The following PCDH11Y variants were observed in gnomAD, a reference collection of about 807,000 sequenced individuals.
The protein encoded by PCDH11Y is protocadherin 11 Y-linked.
For synonymous variants in PCDH11Y, 9 were observed against 83.6 expected, an observed-to-expected ratio of 0.11 and a Z score of 4.87; for missense variants, 12 against 224.8, an observed-to-expected ratio of 0.05 and a Z score of 6.05.
At chrY:5,531,059 A>T in intron 3 of PCDH11Y, among the ~76,000 whole-genome samples, 1 of 27,759 alleles carries the variant, frequency 3.6e-5, no homozygotes, top group Non-Finnish European at 8.4e-5. Context: ...AGGCTCGCAT[A>T]GCCGACTCCT....
downstream of PCDH11Y, among the ~76,000 whole-genome samples, chrY:5,105,794 A>C: frequency 3.0e-5 from 1 of 33,057 alleles, no homozygotes; most frequent in Non-Finnish European, 7.4e-5. Context: ...TTTTGAAAAA[A>C]AGTATATTGA....
chrY:5,301,074 A>G, intron 2 of PCDH11Y, among the ~76,000 whole-genome samples: 3 of 33,926 alleles, frequency 8.8e-5, no homozygotes, highest in Admixed American at 8.1e-4. Flanking sequence ...GTTGGGTTTT[A>G]CTGAGATCAA....
At chrY:5,083,391 C>G in intron 1 of PCDH11Y, among the ~76,000 whole-genome samples, 1 of 32,416 alleles carries the variant, frequency 3.1e-5, no homozygotes, top group Non-Finnish European at 7.6e-5. Context: ...TTGGTGAGAG[C>G]TGCCAACCAC....
intron 2 of PCDH11Y, among the ~76,000 whole-genome samples, chrY:5,205,661 A>AATATATATAT (rs1404714318): frequency 4.3e-5 from 1 of 23,307 alleles, no homozygotes; most frequent in East Asian, 1.1e-3. Context: ...TGAATATATA[A>AATATATATAT]ATATATATAT....
At chrY:5,436,071 G>T (rs2053274992) in intron 2 of PCDH11Y, among the ~76,000 whole-genome samples, 1 of 33,689 alleles carries the variant, frequency 3.0e-5, no homozygotes, top group Non-Finnish European at 7.4e-5. Flanking sequence ...TCACATAAGT[G>T]CACGTAGAGC....
chrY:5,222,044 T>C, intron 2 of PCDH11Y, among the ~76,000 whole-genome samples: 3 of 33,783 alleles, frequency 8.9e-5, no homozygotes, highest in Admixed American at 8.1e-4. Context: ...AAGATGATTA[T>C]ATGATGTTTG....
chrY:5,068,542 CTGTGTG>C (rs3067360), intron 1 of PCDH11Y, among the ~76,000 whole-genome samples: 25 of 21,798 alleles, frequency 1.1e-3, no homozygotes, highest in Admixed American at 3.4e-3. Context: ...TTTGTGTCCT[CTGTGTG>C]TGTGTGTGTG....
At chrY:5,268,528 C>A (rs2053030712) in intron 2 of PCDH11Y, among the ~76,000 whole-genome samples, 1 of 32,444 alleles carries the variant, frequency 3.1e-5, no homozygotes, top group South Asian at 6.7e-4. Flanking sequence ...ATTAGTTCAA[C>A]TTGTCACTTT....
At chrY:5,505,745 T>C in intron 3 of PCDH11Y, among the ~76,000 whole-genome samples, 1 of 32,376 alleles carries the variant, frequency 3.1e-5, no homozygotes, top group Admixed American at 2.9e-4. Context: ...AACAAGGAAG[T>C]AATTAATCTT....
At chrY:5,220,399 T>C (rs2052951644) in intron 2 of PCDH11Y, among the ~76,000 whole-genome samples, 1 of 29,232 alleles carries the variant, frequency 3.4e-5, no homozygotes, top group Non-Finnish European at 8.1e-5. Context: ...TCTATTTATT[T>C]GTATTATCTT....
intron 2 of PCDH11Y, among the ~76,000 whole-genome samples, chrY:5,118,161 A>G: frequency 3.1e-5 from 1 of 32,510 alleles, no homozygotes; most frequent in Non-Finnish European, 7.5e-5. Flanking sequence ...AAAGATGAAG[A>G]GTGTATTCTT....
At chrY:5,458,147 T>G (rs2124683504) in intron 2 of PCDH11Y, among the ~76,000 whole-genome samples, 4 of 32,916 alleles carry the variant, frequency 1.2e-4, no homozygotes, top group Admixed American at 8.5e-4. Context: ...CACATTATTC[T>G]ATGTATAGTA....
chrY:5,492,983 A>G (rs2053340428), intron 2 of PCDH11Y, among the ~76,000 whole-genome samples: 1 of 33,298 alleles, frequency 3.0e-5, no homozygotes, highest in African/African-American at 1.2e-4. Context: ...CAAATATGTT[A>G]CCACTATCCA....
At chrY:5,528,094 A>G (rs2053389691) in intron 3 of PCDH11Y, among the ~76,000 whole-genome samples, 1 of 32,137 alleles carries the variant, frequency 3.1e-5, no homozygotes. Flanking sequence ...GAAGGTAATT[A>G]TATTCTCTTC....
intron 4 of PCDH11Y, among the ~76,000 whole-genome samples, chrY:5,725,082 C>T: frequency 3.1e-5 from 1 of 32,522 alleles, no homozygotes; most frequent in Non-Finnish European, 7.5e-5. Flanking sequence ...CGAGACCACC[C>T]TGACCAACAT....
intron 1 of PCDH11Y, among the ~76,000 whole-genome samples, chrY:5,005,277 A>G: frequency 2.9e-5 from 1 of 34,087 alleles, no homozygotes; most frequent in Non-Finnish European, 7.3e-5. Flanking sequence ...GATGTATTAC[A>G]GTAGAGACTG....
At chrY:5,022,753 A>T in intron 1 of PCDH11Y, among the ~76,000 whole-genome samples, 4 of 33,338 alleles carry the variant, frequency 1.2e-4, no homozygotes, top group Admixed American at 2.8e-4. Flanking sequence ...AGCAGTATTC[A>T]TTTTCTGCCT....
chrY:5,329,149 AT>A (rs2053126700), intron 2 of PCDH11Y, among the ~76,000 whole-genome samples: 1 of 32,475 alleles, frequency 3.1e-5, no homozygotes, highest in Non-Finnish European at 7.5e-5. Flanking sequence ...AGACGCTTAG[AT>A]TTTAGGTCAG....
chrY:5,532,980 C>T (rs2053396651), intron 3 of PCDH11Y, among the ~76,000 whole-genome samples: 3 of 30,014 alleles, frequency 1.0e-4, no homozygotes, highest in Admixed American at 3.1e-4. Context: ...TACAGGCGCG[C>T]GCCACCATAC....
Sources: gnomAD v4.1 joint callset for allele counts (sites outside exome capture counted in the v4.1 genomes callset) on GRCh38, gnomAD v4.1.1 for gene constraint, MANE v1.5 for transcripts, NCBI Gene and HGNC (gene_info 2026-07-23, HGNC 2026-07-21) for gene names.